The following UGT1A10 variants were observed in gnomAD, a reference collection of about 807,000 sequenced individuals.
The protein encoded by UGT1A10 is UDP glucuronosyltransferase family 1 member A10, also known as UDP-glucuronosyltransferase 1A10.
In UGT1A10, 49 loss-of-function variants were observed where a neutral mutation model predicts 45.8. The ratio of observed to expected loss-of-function variants is 1.07; its 90% confidence interval spans 0.85 to 1.36. UGT1A10 has a LOEUF of 1.36. Among genes scored for constraint, UGT1A10 ranks in the 40% most tolerant of loss-of-function variants. UGT1A10 has a pLI of 0.00. For synonymous variants in UGT1A10, 284 were observed against 249.7 expected (o/e 1.14, Z -1.29); for missense variants, 745 against 668.6 (o/e 1.11, Z -1.26).
intron 1 of UGT1A10, chr2:233,729,817 T>C: frequency 4.3e-6 from 7 of 1,613,956 alleles, no homozygotes; most frequent in Non-Finnish European, 5.9e-6. Flanking sequence ...TTCTGCTCCT[T>C]ATGCAAGCCT....
At chr2:233,682,508 C>T (rs760871319) in intron 1 of UGT1A10, 2 of 1,613,926 alleles carry the variant, frequency 1.2e-6, no homozygotes, top group Non-Finnish European at 1.7e-6. Context: ...TTCCTATGTC[C>T]CCAGACTTCT....
chr2:233,706,252 G>A (rs2075898145), intron 1 of UGT1A10, among the ~76,000 whole-genome samples: 1 of 152,200 alleles, frequency 6.6e-6, no homozygotes, highest in African/African-American at 2.4e-5. Flanking sequence ...AGAGAACCAG[G>A]GCAGCTGGAT....
chr2:233,770,652 C>T (rs985386042), intron 4 of UGT1A10: 7 of 150,004 alleles, frequency 4.7e-5, no homozygotes, highest in Non-Finnish European at 1.0e-4. Context: ...AGTGAGACTC[C>T]GTCTTACTTA....
Position 233,772,812 on chromosome 2 carries a change from C to T in UGT1A10, c.*253C>T, listed in dbSNP as rs61757316. ...ATGACATGTGCCATTTTTCAGAGGA[C>T]GTGCAGACAGGCTGGCATTCTAGAT... On this transcript the variant is annotated 3_prime_UTR_variant, in exon 5 of 5. Coordinates refer to ENST00000344644, the MANE Select transcript of UGT1A10 (RefSeq NM_019075.4). The T allele has an allele frequency of 4.4e-5, 46 of 1,035,780 alleles. No individual in the cohort carries two copies. The highest frequency in any genetic ancestry group is 6.9e-4 in the Middle Eastern group (2 of 2,918). 64.2% of individuals were successfully genotyped at this position (1,035,780 alleles called of 1,614,324 possible).
chr2:233,698,912 G>T (rs1019519579), intron 1 of UGT1A10, among the ~76,000 whole-genome samples: 1 of 152,230 alleles, frequency 6.6e-6, no homozygotes, highest in Non-Finnish European at 1.5e-5. Flanking sequence ...CCCAAGGAGG[G>T]ACGTGGCCGT....
intron 1 of UGT1A10, among the ~76,000 whole-genome samples, chr2:233,724,233 G>A (rs1323099966): frequency 1.2e-4 from 15 of 126,038 alleles, no homozygotes; most frequent in African/African-American, 3.9e-4. Context: ...CAGTAGGGGC[G>A]GCCGGGCAGA....
intron 1 of UGT1A10, chr2:233,742,608 G>A (rs540595235): frequency 6.6e-6 from 1 of 152,040 alleles, no homozygotes; most frequent in South Asian, 2.1e-4. Context: ...CATAGTTGGA[G>A]AACCACGTTC....
At chr2:233,637,830 C>G (rs1368716303) in intron 1 of UGT1A10, among the ~76,000 whole-genome samples, 2 of 152,106 alleles carry the variant, frequency 1.3e-5, no homozygotes, top group African/African-American at 4.8e-5. Context: ...ACATATTCTT[C>G]TTTATCTTGC....
chr2:233,755,186 G>T, intron 1 of UGT1A10: 2 of 1,186,224 alleles, frequency 1.7e-6, no homozygotes, highest in Non-Finnish European at 2.3e-6. Flanking sequence ...GGTGCCACTT[G>T]AGCGCCAGCT....
rs550573221 is a variant in UGT1A10 at position 233,701,154 on chromosome 2, A to G, written c.855+63777A>G. On this transcript the variant is annotated intron_variant, in intron 1 of 4. Transcript: ENST00000344644. ...TTTAGGTTGGTTCCAAGTCTTTGCT[A>G]TTGTGAATAGTGCCGTTATAAACAT... is the stretch of plus-strand genomic sequence containing the variant. Among the ~76,000 whole-genome samples the G allele has an allele frequency of 9.9e-5, 15 of 152,250 alleles. 1 individual carries two copies. The East Asian group carries it at 2.7e-3, about 27-fold the overall frequency.
intron 1 of UGT1A10, among the ~76,000 whole-genome samples, chr2:233,702,262 A>C (rs1404210382): frequency 2.6e-5 from 4 of 152,200 alleles, no homozygotes; most frequent in Non-Finnish European, 5.9e-5. Context: ...CACAAAATAC[A>C]TGAATAGCTT....
At chr2:233,707,194 T>C (rs1446622222) in intron 1 of UGT1A10, among the ~76,000 whole-genome samples, 1 of 152,148 alleles carries the variant, frequency 6.6e-6, no homozygotes, top group Non-Finnish European at 1.5e-5. Context: ...TGCCCTCCGT[T>C]CTATTCCCTT....
At chr2:233,747,405 G>C (rs112085732) in intron 1 of UGT1A10, 2 of 1,607,054 alleles carry the variant, frequency 1.2e-6, no homozygotes, top group Non-Finnish European at 1.7e-6. Context: ...CACCCCAGAG[G>C]TGAATATGCA....
At chr2:233,671,866 T>C in intron 1 of UGT1A10, 1 of 1,518,884 alleles carries the variant, frequency 6.6e-7, no homozygotes, top group East Asian at 2.3e-5. Flanking sequence ...TTTGTGCTGG[T>C]ATTTCTCCCA....
chr2:233,654,943 T>C (rs1319712681), intron 1 of UGT1A10, among the ~76,000 whole-genome samples: 1 of 152,014 alleles, frequency 6.6e-6, no homozygotes, highest in African/African-American at 2.4e-5. Context: ...AATACAAAAA[T>C]TAGCACAGTG....
chr2:233,701,851 A>G (rs2075655797), intron 1 of UGT1A10, among the ~76,000 whole-genome samples: 1 of 152,220 alleles, frequency 6.6e-6, no homozygotes, highest in Non-Finnish European at 1.5e-5. Context: ...AGCAGTGTGT[A>G]GAGGGAAATT....
At chr2:233,749,714 G>C (rs1485343485) in intron 1 of UGT1A10, among the ~76,000 whole-genome samples, 2 of 151,806 alleles carry the variant, frequency 1.3e-5, no homozygotes, top group Non-Finnish European at 2.9e-5. Flanking sequence ...TGGATCATGG[G>C]GGCAGTTTCG....
At position 233,747,809 on chromosome 2, in the gene UGT1A10, G is replaced by T. The variant is rs955692001; in HGVS notation, c.856-19225G>T. 2.4e-5 allele frequency: 38 copies of T among 1,613,216 alleles called. No homozygotes were observed. In the Admixed American group the frequency reaches 6.2e-4, roughly 26 times the overall value. ...CCTCCTATATTCCTAAGTTACTAAC[G>T]ACCAATTCAGACCACATGACATTCC... On this transcript the variant is annotated intron_variant, in intron 1 of 4. Coordinates refer to ENST00000344644, the MANE Select transcript of UGT1A10 (RefSeq NM_019075.4).
chr2:233,716,902 C>A (rs2076532404), intron 1 of UGT1A10, among the ~76,000 whole-genome samples: 1 of 152,154 alleles, frequency 6.6e-6, no homozygotes, highest in African/African-American at 2.4e-5. Context: ...TCCTCATCTC[C>A]AGACCCTGGA....
Sources: gnomAD v4.1 joint callset for allele counts (sites outside exome capture counted in the v4.1 genomes callset) on GRCh38, gnomAD v4.1.1 for gene constraint, MANE v1.5 for transcripts, NCBI Gene and HGNC (gene_info 2026-07-23, HGNC 2026-07-21) for gene names.